The following SUFU variants were observed in gnomAD, a reference collection of about 807,000 sequenced individuals.
SUFU encodes SUFU negative regulator of hedgehog signaling.
SUFU carries 7 observed loss-of-function variants against 58.9 expected under a neutral mutation model. The observed-to-expected ratio is 0.12, with a 90% CI of 0.07 to 0.22. The LOEUF (loss-of-function observed/expected upper bound fraction) is 0.22, where lower values mean the gene tolerates loss of function less well. SUFU is among the 10% of genes least tolerant of loss of function. SUFU has a pLI of 1.00. For missense variants in SUFU, 451 were observed against 641.3 expected (o/e 0.70, Z 3.20); for synonymous variants, 232 against 254.8 (o/e 0.91, Z 0.85).
At chr10:102,621,892 G>A (rs1590088208) in intron 10 of SUFU, among the ~76,000 whole-genome samples, 1 of 152,328 alleles carries the variant, frequency 6.6e-6, no homozygotes. Flanking sequence ...CATCTGAATC[G>A]GCGTCAGATC....
At chr10:102,615,229 T>C in intron 8 of SUFU, 39 bp from the exon 9 acceptor site, 1 of 1,613,968 alleles carries the variant, frequency 6.2e-7, no homozygotes, top group African/African-American at 1.3e-5. Context: ...CCTGAGCTTT[T>C]CACCTTGTGC....
At chr10:102,527,893 A>G (rs535100387) in intron 2 of SUFU, among the ~76,000 whole-genome samples, 5 of 152,334 alleles carry the variant, frequency 3.3e-5, no homozygotes, top group African/African-American at 1.2e-4. Flanking sequence ...TGGGTCAGTA[A>G]GAAGTCCCCA....
At chr10:102,515,814 A>C (rs965403219) in intron 2 of SUFU, among the ~76,000 whole-genome samples, 1 of 152,152 alleles carries the variant, frequency 6.6e-6, no homozygotes, top group African/African-American at 2.4e-5. Context: ...AGTGTTCTGC[A>C]GGCTCATTGG....
intron 2 of SUFU, among the ~76,000 whole-genome samples, chr10:102,545,630 G>C (rs1356750600): frequency 6.6e-5 from 10 of 152,156 alleles, no homozygotes; most frequent in Non-Finnish European, 1.2e-4. Flanking sequence ...TTATGATAGA[G>C]GGTGTGGAGG....
chr10:102,624,295 A>C (rs934471865), intron 10 of SUFU, among the ~76,000 whole-genome samples: 1 of 152,208 alleles, frequency 6.6e-6, no homozygotes, highest in Non-Finnish European at 1.5e-5. Context: ...GAGCTGCCCC[A>C]TCTTAGCTGT....
In SUFU at chr10:102,619,632, C is replaced by A. The variant is rs951194000; in HGVS notation, c.1296+2204C>A. Among the ~76,000 whole-genome samples, 3 of 152,170 alleles carry A rather than the reference C, an allele frequency of 2.0e-5. No individual in the cohort carries two copies. The highest frequency in any genetic ancestry group is 4.8e-5 in the African/African-American group (2 of 41,436). On this transcript the variant is annotated intron_variant, in intron 10 of 11. Transcript: ENST00000369902. The surrounding 1 kb of genome is among the most constrained non-coding windows in gnomAD (Gnocchi z 4.2). ...GCCCTGGGAAACCCTCTGACCCTGC[C>A]CCCAGCCGGATTCTCAGCAGTGGAG...
chr10:102,556,674 C>T (rs1347023492), intron 3 of SUFU, among the ~76,000 whole-genome samples: 2 of 125,516 alleles, frequency 1.6e-5, no homozygotes, highest in South Asian at 2.8e-4. Context: ...ACCCGGGAGG[C>T]GGAGATTGCA....
intron 8 of SUFU, among the ~76,000 whole-genome samples, chr10:102,613,703 G>A (rs1264415602): frequency 2.0e-5 from 3 of 152,222 alleles, no homozygotes; most frequent in Non-Finnish European, 2.9e-5. Context: ...ACCAGGATCC[G>A]GCCTTTTGAA....
intron 2 of SUFU, among the ~76,000 whole-genome samples, chr10:102,527,368 G>A (rs1027466104): frequency 1.3e-5 from 2 of 152,078 alleles, no homozygotes; most frequent in African/African-American, 4.8e-5. Flanking sequence ...AGGCTGGAGT[G>A]GGGTTTTAGG....
chr10:102,613,432 G>A lies in SUFU; in HGVS notation c.1023-1836G>A, dbSNP rs148057789. 5.5e-3 allele frequency among the ~76,000 whole-genome samples: 832 copies of A among 152,330 alleles called. 2 individuals carry two copies. Among genetic ancestry groups the A allele is most frequent in the Middle Eastern group, 0.017 (5 of 294 alleles). ...TCAGGGGCACGTCTAACCCACTGCCGCCACAGGGCCATCCTCTGTCTTTGG... is the reference window on the plus strand; with the variant it reads ...TCAGGGGCACGTCTAACCCACTGCCACCACAGGGCCATCCTCTGTCTTTGG... On this transcript the variant is annotated intron_variant, in intron 8 of 11. Coordinates refer to ENST00000369902, the MANE Select transcript of SUFU (RefSeq NM_016169.4).
In SUFU at chr10:102,631,221, C is replaced by T. The variant is rs1481738310; in HGVS notation, c.*1066C>T. The stretch of plus-strand genomic sequence containing the variant: ...CTTACTAAAATTGAAAAATCCACCT[C>T]TTAACATCTCTTTCACTTTGGTTTT... On this transcript the variant is annotated 3_prime_UTR_variant, in exon 12 of 12. Coordinates refer to ENST00000369902, the MANE Select transcript of SUFU (RefSeq NM_016169.4). 2 of 233,410 alleles carry T rather than the reference C, an allele frequency of 8.6e-6. No homozygotes were observed. Among genetic ancestry groups the T allele is most frequent in the Non-Finnish European group, 1.7e-5 (2 of 118,240 alleles). 14.5% of individuals were successfully genotyped at this position (233,410 alleles called of 1,614,324 possible).
chr10:102,619,394 G>C lies in SUFU; in HGVS notation c.1296+1966G>C. The C allele has an allele frequency of 7.2e-7, 1 of 1,382,418 alleles. No homozygotes were observed. 85.6% of individuals were successfully genotyped at this position (1,382,418 alleles called of 1,614,324 possible). On this transcript the variant is annotated intron_variant, in intron 10 of 11. Transcript: ENST00000369902. This position sits in a 1 kb window ranked among gnomAD's most constrained non-coding sequence, Gnocchi z 4.2. ...CCCATGGGCTGTTGCCCAGGGAACC[G>C]GGGCGCGGTGGGAACGAGCTGCTGG...
chr10:102,556,432 G>C (rs748161210), intron 3 of SUFU, among the ~76,000 whole-genome samples: 1 of 152,174 alleles, frequency 6.6e-6, no homozygotes, highest in Non-Finnish European at 1.5e-5. Context: ...GGGTGATTTA[G>C]TTAGGATTCT....
intron 3 of SUFU, among the ~76,000 whole-genome samples, chr10:102,581,293 G>A (rs1332389540): frequency 1.3e-5 from 2 of 151,766 alleles, no homozygotes; most frequent in Non-Finnish European, 2.9e-5. Context: ...GGCAGACTGA[G>A]TGGCCCCCAT....
At chr10:102,567,884 G>C (rs2063107907) in intron 3 of SUFU, among the ~76,000 whole-genome samples, 1 of 152,062 alleles carries the variant, frequency 6.6e-6, no homozygotes, top group Non-Finnish European at 1.5e-5. Flanking sequence ...AGCTCCAGCA[G>C]CCTATGTTTG....
chr10:102,530,481 GACTC>G (rs1456259230), intron 2 of SUFU, among the ~76,000 whole-genome samples: 3 of 140,408 alleles, frequency 2.1e-5, no homozygotes, highest in African/African-American at 8.1e-5. Flanking sequence ...TGGAGACAGG[GACTC>G]ACTCTGTTGC....
rs764435314 is a variant in SUFU at position 102,617,371 on chromosome 10, G to A, written c.1239G>A (p.Val413=). 4 of 1,614,236 alleles carry A rather than the reference G, an allele frequency of 2.5e-6. No homozygotes were observed. Among genetic ancestry groups the A allele is most frequent in the East Asian group, 2.2e-5 (1 of 44,880 alleles). ...DMAITFVSTG[V]EGAFATEEHP... is the part of the protein sequence containing the mutation. ...CCATCACGTTTGTCTCCACGGGAGTGGAAGGCGCCTTTGCCACTGAGGAGC... is the reference window on the plus strand; with the variant it reads ...CCATCACGTTTGTCTCCACGGGAGTAGAAGGCGCCTTTGCCACTGAGGAGC... Residue 413 remains valine, a synonymous_variant, in exon 10 of 12, where the codon GTG becomes GTA. Transcript: ENST00000369902. The surrounding 1 kb of genome is among the most constrained non-coding windows in gnomAD (Gnocchi z 4.4).
chr10:102,508,084 G>T (rs983227955), intron 1 of SUFU, among the ~76,000 whole-genome samples: 5 of 150,304 alleles, frequency 3.3e-5, no homozygotes, highest in Non-Finnish European at 7.4e-5. Flanking sequence ...TCCTGCCTCA[G>T]CCTCTCAAAT....
intron 8 of SUFU, among the ~76,000 whole-genome samples, chr10:102,614,557 C>CAA (rs1158727545): frequency 8.5e-6 from 1 of 117,164 alleles, no homozygotes; most frequent in African/African-American, 3.2e-5. Context: ...GATGCTATCT[C>CAA]AAAAAAAAAA....
Sources: allele counts gnomAD v4.1 joint callset (sites outside exome capture counted in the v4.1 genomes callset), GRCh38; gene constraint gnomAD v4.1.1; non-coding constraint Gnocchi (gnomAD v3.1); transcripts MANE v1.5; gene names NCBI Gene and HGNC (gene_info 2026-07-23, HGNC 2026-07-21).